Variants in CDH12 observed in about 807,000 individuals in gnomAD.
CDH12 encodes cadherin-12.
Under a neutral mutation model 74.1 loss-of-function variants are expected in CDH12, and 41 were observed. The observed-to-expected ratio is 0.55, with a 90% CI of 0.43 to 0.72. CDH12 has a LOEUF of 0.72. Ranked by LOEUF, CDH12 falls within the 30% of genes least tolerant of loss-of-function variation. The pLI is 0.00. For missense variants in CDH12, 945 were observed against 977.2 expected (o/e 0.97, Z 0.44); for synonymous variants, 399 against 355.0 (o/e 1.12, Z -1.39).
chr5:22,738,779 C>T (rs1042654516), intron 1 of CDH12, among the ~76,000 whole-genome samples: 7 of 152,088 alleles, frequency 4.6e-5, no homozygotes, highest in African/African-American at 1.7e-4. Flanking sequence ...ATGTTAATTA[C>T]TTCAAAGGCA....
chr5:22,193,441 C>G (rs1225878996), intron 4 of CDH12, among the ~76,000 whole-genome samples: 1 of 152,210 alleles, frequency 6.6e-6, no homozygotes, highest in East Asian at 1.9e-4. Flanking sequence ...ATTTTTGTCT[C>G]TTTTTGCTGG....
intron 6 of CDH12, 116 bp from the exon 7 acceptor site, chr5:21,854,906 G>A (rs1750675553): frequency 2.5e-6 from 2 of 810,292 alleles, no homozygotes; most frequent in Non-Finnish European, 3.9e-6. Context: ...AGTACACCAT[G>A]AGTACATGAT....
At chr5:22,633,639 GCCAGA>G (rs1738691486) in intron 1 of CDH12, among the ~76,000 whole-genome samples, 1 of 152,120 alleles carries the variant, frequency 6.6e-6, no homozygotes, top group South Asian at 2.1e-4. Context: ...TAAACTAATG[GCCAGA>G]CTGTTTGAGG....
intron 6 of CDH12, among the ~76,000 whole-genome samples, chr5:21,946,242 A>G (rs1392543215): frequency 6.6e-6 from 1 of 152,160 alleles, no homozygotes; most frequent in Non-Finnish European, 1.5e-5. Flanking sequence ...TGTTGCTAAC[A>G]AACTTACCTT....
intron 5 of CDH12, among the ~76,000 whole-genome samples, chr5:21,993,353 A>C (rs1204368554): frequency 6.6e-6 from 1 of 152,140 alleles, no homozygotes; most frequent in Non-Finnish European, 1.5e-5. Context: ...GGATTTTATT[A>C]CTATGCTTAT....
chr5:22,381,009 A>G (rs1320764768), intron 3 of CDH12, among the ~76,000 whole-genome samples: 1 of 152,090 alleles, frequency 6.6e-6, no homozygotes, highest in Non-Finnish European at 1.5e-5. Flanking sequence ...TATGACACTG[A>G]GTTGCCTATT....
intron 5 of CDH12, among the ~76,000 whole-genome samples, chr5:22,062,620 T>G (rs1466522679): frequency 6.6e-6 from 1 of 152,082 alleles, no homozygotes; most frequent in African/African-American, 2.4e-5. Context: ...GCAGAATGGA[T>G]CAGAAACAAA....
intron 4 of CDH12, among the ~76,000 whole-genome samples, chr5:22,145,062 G>T (rs1253041909): frequency 6.6e-6 from 1 of 152,018 alleles, no homozygotes; most frequent in East Asian, 1.9e-4. Flanking sequence ...AGACACTAAG[G>T]TTTTCAGAAA....
intron 13 of CDH12, among the ~76,000 whole-genome samples, chr5:21,757,247 C>T (rs950045728): frequency 1.3e-5 from 2 of 152,124 alleles, no homozygotes; most frequent in African/African-American, 2.4e-5. Flanking sequence ...TCAATCTCGG[C>T]TCACTGCAAC....
chr5:21,805,409 C>G (rs1747375884), intron 9 of CDH12, among the ~76,000 whole-genome samples: 1 of 151,990 alleles, frequency 6.6e-6, no homozygotes, highest in African/African-American at 2.4e-5. Context: ...TTTTAAGGAC[C>G]CCTGACCTAT....
At chr5:22,120,840 C>A (rs1245883063) in intron 4 of CDH12, among the ~76,000 whole-genome samples, 1 of 152,000 alleles carries the variant, frequency 6.6e-6, no homozygotes, top group Non-Finnish European at 1.5e-5. Flanking sequence ...ACTTCTATAC[C>A]TCAAATGTAC....
intron 2 of CDH12, among the ~76,000 whole-genome samples, chr5:22,423,960 G>GCA (rs1561393042): frequency 2.5e-5 from 3 of 122,386 alleles, no homozygotes; most frequent in African/African-American, 9.4e-5. Flanking sequence ...CCGAGATCCC[G>GCA]CCACTGCACT....
At chr5:21,829,525 T>C (rs528014455) in intron 8 of CDH12, among the ~76,000 whole-genome samples, 2 of 152,346 alleles carry the variant, frequency 1.3e-5, no homozygotes, top group African/African-American at 4.8e-5. Flanking sequence ...ATGTACCAAG[T>C]CTTTCATTTT....
chr5:21,860,139 T>A (rs1263511741), intron 6 of CDH12, among the ~76,000 whole-genome samples: 1 of 152,086 alleles, frequency 6.6e-6, no homozygotes, highest in African/African-American at 2.4e-5. Context: ...ATGAGTACTG[T>A]AATTGTCATG....
At chr5:22,714,401 CTT>C (rs1487081142) in intron 1 of CDH12, among the ~76,000 whole-genome samples, 9 of 152,148 alleles carry the variant, frequency 5.9e-5, no homozygotes, top group Non-Finnish European at 8.8e-5. Flanking sequence ...TAGTATAACT[CTT>C]TTCATTTGAT....
intron 2 of CDH12, among the ~76,000 whole-genome samples, chr5:22,455,815 G>C (rs76554192): frequency 6.6e-6 from 1 of 152,118 alleles, no homozygotes; most frequent in Admixed American, 6.6e-5. Context: ...CAGGAAGAAA[G>C]CTAGGGATGT....
intron 4 of CDH12, among the ~76,000 whole-genome samples, chr5:22,118,589 C>T (rs918914976): frequency 6.6e-6 from 1 of 151,846 alleles, no homozygotes; most frequent in Admixed American, 6.6e-5. Flanking sequence ...AAGGTATATA[C>T]CTTTCACACA....
chr5:22,553,179 A>G (rs190518045), intron 1 of CDH12, among the ~76,000 whole-genome samples: 2 of 152,254 alleles, frequency 1.3e-5, no homozygotes, highest in East Asian at 3.9e-4. Context: ...ACTAACTTTT[A>G]ATGTTTTCTC....
In CDH12 at chr5:22,316,226, G is replaced by GT. The variant is rs553001424; in HGVS notation, c.-333+89030dup. ...GACTAAAAAAAAGAGAATGCTAAGA[G>GT]TTTTTTTTTTTTTGGTTTTGTATTA... On this transcript the variant is annotated intron_variant, in intron 3 of 14. Coordinates refer to ENST00000382254, the MANE Select transcript of CDH12 (RefSeq NM_004061.5). 8.4e-3 allele frequency among the ~76,000 whole-genome samples: 1,176 copies of GT among 140,448 alleles called. 5 individuals carry two copies. The highest frequency in any genetic ancestry group is 0.019 in the African/African-American group (751 of 38,628). The allele number at this position is 140,448 out of a possible 152,430, so 92.1% of individuals were successfully genotyped here. A position where few individuals can be genotyped will look rare whatever the true frequency, so the allele number is the denominator to read the frequency against.
Sources: allele counts gnomAD v4.1 joint callset (sites outside exome capture counted in the v4.1 genomes callset), GRCh38; gene constraint gnomAD v4.1.1; transcripts MANE v1.5; gene names NCBI Gene and HGNC (gene_info 2026-07-23, HGNC 2026-07-21).